The following CTNNA2 variants were observed in gnomAD, a reference collection of about 807,000 sequenced individuals.
CTNNA2 encodes the protein catenin alpha 2, also known as catenin alpha-2.
A neutral mutation model predicts 101.0 loss-of-function variants in CTNNA2; 42 were observed. The observed-to-expected ratio is 0.42, with a 90% confidence interval of 0.32 to 0.54. CTNNA2 has a LOEUF of 0.54. Among genes scored for constraint, CTNNA2 ranks in the 20% least tolerant of loss-of-function variants. The probability of loss-of-function intolerance (pLI) is 0.14; values close to 1 mark genes in which losing one functional copy is unlikely to be tolerated. For missense variants in CTNNA2, 871 were observed against 1,223.1 expected (o/e 0.71, Z 4.29); for synonymous variants, 450 against 456.4 (o/e 0.99, Z 0.18).
intron 4 of CTNNA2, among the ~76,000 whole-genome samples, chr2:79,480,027 G>A (rs1420173913): frequency 6.6e-6 from 1 of 152,178 alleles, no homozygotes; most frequent in East Asian, 1.9e-4. Flanking sequence ...ACTGGCATCT[G>A]CATCTAGAGT....
intron 7 of CTNNA2, among the ~76,000 whole-genome samples, chr2:79,910,939 TAACA>T (rs1404859812): frequency 9.2e-5 from 14 of 152,182 alleles, no homozygotes; most frequent in Admixed American, 9.2e-4. Context: ...TGAGAAAACC[TAACA>T]AACTAAAAAA....
chr2:80,244,139 T>C (rs1671149441), intron 7 of CTNNA2, among the ~76,000 whole-genome samples: 1 of 152,230 alleles, frequency 6.6e-6, no homozygotes, highest in South Asian at 2.1e-4. Context: ...AGAAGAACTT[T>C]TGCAGTATAG....
intron 2 of CTNNA2, among the ~76,000 whole-genome samples, chr2:79,702,497 G>C (rs1034078200): frequency 6.6e-6 from 1 of 152,144 alleles, no homozygotes; most frequent in African/African-American, 2.4e-5. Context: ...GAGGATGAGA[G>C]GTTGCTATAG....
At chr2:79,392,990 A>G (rs1161044133) in intron 4 of CTNNA2, among the ~76,000 whole-genome samples, 3 of 152,186 alleles carry the variant, frequency 2.0e-5, no homozygotes, top group African/African-American at 7.2e-5. Context: ...GAAAATCTCA[A>G]TACTTCTTCA....
chr2:79,267,774 T>C (rs1675005301), intron 2 of CTNNA2, among the ~76,000 whole-genome samples: 1 of 152,096 alleles, frequency 6.6e-6, no homozygotes, highest in African/African-American at 2.4e-5. Context: ...AGTTTACTAA[T>C]ATGGGGAATT....
intron 3 of CTNNA2, among the ~76,000 whole-genome samples, chr2:79,331,375 G>T (rs1348621414): frequency 6.6e-6 from 1 of 152,106 alleles, no homozygotes; most frequent in Non-Finnish European, 1.5e-5. Flanking sequence ...CTTAGGTCCT[G>T]GTCCCCTCCC....
chr2:79,262,251 G>T (rs576814738), intron 2 of CTNNA2, among the ~76,000 whole-genome samples: 2 of 152,278 alleles, frequency 1.3e-5, no homozygotes, highest in African/African-American at 4.8e-5. Flanking sequence ...CAGGGGAAAG[G>T]CATGGTTATG....
chr2:80,003,917 G>A (rs1693140897), intron 7 of CTNNA2, among the ~76,000 whole-genome samples: 1 of 152,146 alleles, frequency 6.6e-6, no homozygotes, highest in African/African-American at 2.4e-5. Flanking sequence ...GAGAACAAGG[G>A]AAGGATGAGG....
At chr2:80,373,320 A>G (rs1008415439) in intron 7 of CTNNA2, among the ~76,000 whole-genome samples, 9 of 152,190 alleles carry the variant, frequency 5.9e-5, no homozygotes, top group African/African-American at 7.2e-5. Flanking sequence ...TTTTCATGGT[A>G]TCTCAAGCAC....
intron 2 of CTNNA2, among the ~76,000 whole-genome samples, chr2:79,249,824 C>T (rs183752405): frequency 9.9e-5 from 15 of 152,284 alleles, no homozygotes; most frequent in African/African-American, 2.9e-4. Context: ...ATTAGGAGCT[C>T]ACATTCACCT....
rs144755656 is a variant in CTNNA2 at position 79,787,506 on chromosome 2, C to T, written c.298+42924C>T. ...ATAGTTATTATCATTGTGTTCATTT[C>T]CTATTGCTACTGCAACATATTACTA... On this transcript the variant is annotated intron_variant, in intron 3 of 18. Coordinates refer to ENST00000402739, the MANE Select transcript of CTNNA2 (RefSeq NM_001282597.3). Among the ~76,000 whole-genome samples the T allele has an allele frequency of 2.8e-3, 423 of 152,208 alleles. 4 individuals are homozygous for T. The highest frequency in any genetic ancestry group is 9.8e-3 in the African/African-American group (408 of 41,538).
At chr2:80,212,013 CTGTT>C (rs1707924198) in intron 7 of CTNNA2, among the ~76,000 whole-genome samples, 4 of 152,250 alleles carry the variant, frequency 2.6e-5, no homozygotes, top group South Asian at 2.1e-4. Flanking sequence ...ATTTGGCTCT[CTGTT>C]TGTCTGTTAT....
intron 7 of CTNNA2, among the ~76,000 whole-genome samples, chr2:79,983,874 T>C (rs1691568717): frequency 6.6e-6 from 1 of 152,144 alleles, no homozygotes; most frequent in Non-Finnish European, 1.5e-5. Context: ...GGGAACTGAC[T>C]CACGTTTATA....
intron 9 of CTNNA2, among the ~76,000 whole-genome samples, chr2:80,479,423 A>T (rs1441918306): frequency 6.6e-6 from 1 of 152,190 alleles, no homozygotes; most frequent in Non-Finnish European, 1.5e-5. Context: ...ACAGAGAATC[A>T]TCTGACCTAA....
At chr2:79,392,628 C>T (rs938295430) in intron 4 of CTNNA2, among the ~76,000 whole-genome samples, 11 of 151,964 alleles carry the variant, frequency 7.2e-5, no homozygotes, top group African/African-American at 2.4e-4. Flanking sequence ...TCCACAAATT[C>T]ATCTTTTTAA....
At chr2:80,443,824 C>A (rs1199665728) in intron 9 of CTNNA2, among the ~76,000 whole-genome samples, 2 of 152,188 alleles carry the variant, frequency 1.3e-5, no homozygotes, top group Non-Finnish European at 2.9e-5. Flanking sequence ...ATATTTCAGA[C>A]AAGCCTTTGA....
chr2:80,250,172 A>G (rs61688650), intron 7 of CTNNA2, among the ~76,000 whole-genome samples: 1,823 of 148,554 alleles, frequency 0.012, 33 homozygotes, highest in African/African-American at 0.043. Flanking sequence ...AGATAGATAC[A>G]TGGATGGGGG....
intron 2 of CTNNA2, among the ~76,000 whole-genome samples, chr2:79,696,677 C>T (rs185697225): frequency 6.6e-6 from 1 of 152,096 alleles, no homozygotes; most frequent in East Asian, 1.9e-4. Flanking sequence ...AGGGAGGATG[C>T]TTCTTTGGTT....
chr2:79,638,152 T>C (rs960906490), intron 1 of CTNNA2, among the ~76,000 whole-genome samples: 2 of 152,234 alleles, frequency 1.3e-5, no homozygotes, highest in African/African-American at 4.8e-5. Context: ...TTCAGTGGAA[T>C]CATTGTTGTT....
Sources: allele counts gnomAD v4.1 joint callset (sites outside exome capture counted in the v4.1 genomes callset), GRCh38; gene constraint gnomAD v4.1.1; transcripts MANE v1.5; gene names NCBI Gene and HGNC (gene_info 2026-07-23, HGNC 2026-07-21).